LRRC4C: variants seen among roughly 807,000 people sequenced by gnomAD.
The protein encoded by LRRC4C is leucine rich repeat containing 4C, also known as leucine-rich repeat-containing protein 4C.
A neutral mutation model predicts 33.6 loss-of-function variants in LRRC4C; 5 were observed. The ratio of observed to expected loss-of-function variants is 0.15; its 90% CI spans 0.08 to 0.31. LRRC4C has a LOEUF of 0.31. Ranked by LOEUF, LRRC4C falls within the 10% of genes least tolerant of loss-of-function variation. The pLI, the probability that LRRC4C is intolerant of heterozygous loss-of-function variation, is 1.00. For synonymous variants in LRRC4C, 329 were observed against 302.0 expected, an observed-to-expected ratio of 1.09 and a Z score of -0.93; for missense variants, 560 against 796.7, an observed-to-expected ratio of 0.70 and a Z score of 3.58.
At chr11:40,354,809 G>T (rs146195285) in intron 3 of LRRC4C, among the ~76,000 whole-genome samples, 1 of 152,180 alleles carries the variant, frequency 6.6e-6, no homozygotes, top group Non-Finnish European at 1.5e-5. Flanking sequence ...GACTCCAGGA[G>T]CCCATTTAGT....
intron 1 of LRRC4C, among the ~76,000 whole-genome samples, chr11:41,109,570 C>A (rs1002764742): frequency 6.6e-6 from 1 of 152,078 alleles, no homozygotes; most frequent in African/African-American, 2.4e-5. Context: ...GGAAAGTCTC[C>A]TTCTTTACCG....
At chr11:40,839,724 T>C (rs1321792121) in intron 2 of LRRC4C, among the ~76,000 whole-genome samples, 1 of 152,190 alleles carries the variant, frequency 6.6e-6, no homozygotes, top group African/African-American at 2.4e-5. Context: ...TTAACTGATC[T>C]TCAAAACTGT....
At chr11:41,300,308 A>C (rs919857701) in intron 1 of LRRC4C, among the ~76,000 whole-genome samples, 5 of 152,196 alleles carry the variant, frequency 3.3e-5, no homozygotes, top group African/African-American at 1.2e-4. Flanking sequence ...ACCACACTGG[A>C]ATCTTCTCCA....
At chr11:41,167,160 C>G (rs1944766783) in intron 1 of LRRC4C, among the ~76,000 whole-genome samples, 2 of 151,938 alleles carry the variant, frequency 1.3e-5, no homozygotes, top group African/African-American at 2.4e-5. Flanking sequence ...AAAATAGATA[C>G]CAGAACATTT....
intron 2 of LRRC4C, among the ~76,000 whole-genome samples, chr11:40,742,688 A>G (rs1948216615): frequency 6.6e-6 from 1 of 151,996 alleles, no homozygotes; most frequent in African/African-American, 2.4e-5. Context: ...TATTCATTTC[A>G]TATTTTAATA....
chr11:41,355,699 G>A lies in LRRC4C; in HGVS notation c.-496+103732C>T, dbSNP rs535754362. On this transcript the variant is annotated intron_variant, in intron 1 of 6. Coordinates refer to ENST00000528697, the MANE Select transcript of LRRC4C (RefSeq NM_001258419.2). ...AATATCACATACGGTATTTCTAAAT[G>A]TTTTCTATTTAATTGAGCTATGTAC... 8.6e-5 allele frequency among the ~76,000 whole-genome samples: 13 copies of A among 151,976 alleles called. No homozygotes were observed. In the South Asian group the frequency reaches 2.7e-3, roughly 32 times the overall value.
intron 3 of LRRC4C, among the ~76,000 whole-genome samples, chr11:40,563,729 G>A (rs934866855): frequency 2.6e-5 from 4 of 152,058 alleles, no homozygotes; most frequent in Admixed American, 6.6e-5. Context: ...TCTGAAACAC[G>A]AAATGGGAAC....
At chr11:40,603,630 A>T (rs558571744) in intron 3 of LRRC4C, among the ~76,000 whole-genome samples, 2 of 152,332 alleles carry the variant, frequency 1.3e-5, no homozygotes, top group East Asian at 3.9e-4. Flanking sequence ...ATGGTGAAAA[A>T]TTTAGTATAA....
chr11:40,862,862 A>G (rs1954170172), intron 2 of LRRC4C, among the ~76,000 whole-genome samples: 1 of 152,202 alleles, frequency 6.6e-6, no homozygotes, highest in Admixed American at 6.5e-5. Context: ...AAAATGCTGT[A>G]CATTGCTGAG....
At chr11:40,703,054 T>C (rs1294272137) in intron 2 of LRRC4C, among the ~76,000 whole-genome samples, 1 of 151,994 alleles carries the variant, frequency 6.6e-6, no homozygotes, top group African/African-American at 2.4e-5. Context: ...TTAGAAATAT[T>C]AATAGAATAA....
At chr11:40,606,246 G>T (rs117942935) in intron 3 of LRRC4C, among the ~76,000 whole-genome samples, 2 of 152,138 alleles carry the variant, frequency 1.3e-5, no homozygotes, top group Non-Finnish European at 2.9e-5. Flanking sequence ...TTATTGTAGC[G>T]CTAGAGAAGT....
chr11:40,874,669 C>A (rs1213627807), intron 2 of LRRC4C, among the ~76,000 whole-genome samples: 1 of 152,168 alleles, frequency 6.6e-6, no homozygotes, highest in Non-Finnish European at 1.5e-5. Context: ...TTGCTCTGAC[C>A]TAACTGTATA....
chr11:41,350,143 C>T (rs1477650949), intron 1 of LRRC4C, among the ~76,000 whole-genome samples: 1 of 152,152 alleles, frequency 6.6e-6, no homozygotes, highest in Non-Finnish European at 1.5e-5. Context: ...TAGTTTTGAC[C>T]TCAGTGACTA....
At chr11:40,309,358 G>C (rs1945191625) in intron 4 of LRRC4C, among the ~76,000 whole-genome samples, 1 of 151,974 alleles carries the variant, frequency 6.6e-6, no homozygotes, top group African/African-American at 2.4e-5. Flanking sequence ...ATCTTTTCAA[G>C]GTTCATCTAT....
At chr11:41,116,184 A>G (rs1942114401) in intron 1 of LRRC4C, among the ~76,000 whole-genome samples, 1 of 152,168 alleles carries the variant, frequency 6.6e-6, no homozygotes, top group Admixed American at 6.6e-5. Context: ...ATTTAAGACT[A>G]CAAGCTTTGG....
rs771703654 is a variant in LRRC4C at position 40,659,905 on chromosome 11, C to A, written c.-406-11627G>T. Among the ~76,000 whole-genome samples, 3 of 152,174 alleles carry A rather than the reference C, an allele frequency of 2.0e-5. No homozygotes were observed. The East Asian group carries it at 5.8e-4, about 29-fold the overall frequency. Reference sequence around the variant, plus strand: ...TGTGGGACAAGTACTCAGGATGTACCAAATGGTGGGACTGAAAGAGCTGTA... The same window carrying A: ...TGTGGGACAAGTACTCAGGATGTACAAAATGGTGGGACTGAAAGAGCTGTA... On this transcript the variant is annotated intron_variant, in intron 2 of 6. Coordinates refer to ENST00000528697, the MANE Select transcript of LRRC4C (RefSeq NM_001258419.2).
intron 2 of LRRC4C, among the ~76,000 whole-genome samples, chr11:40,673,400 T>C (rs1944231315): frequency 6.6e-6 from 1 of 152,160 alleles, no homozygotes; most frequent in African/African-American, 2.4e-5. Context: ...TAACACCTAA[T>C]ATCGGTATCT....
In LRRC4C at chr11:40,696,948, G is replaced by A. The variant is rs76134399; in HGVS notation, c.-406-48670C>T. Among the ~76,000 whole-genome samples the A allele has an allele frequency of 6.3e-3, 953 of 151,808 alleles. 15 individuals are homozygous for A. The highest frequency in any genetic ancestry group is 0.022 in the African/African-American group (924 of 41,418). ...TATTCCCCAAACTGAGAAAAATCTG[G>A]AAAGACACGATGATTCATTAACTTC... On this transcript the variant is annotated intron_variant, in intron 2 of 6. Coordinates refer to ENST00000528697, the MANE Select transcript of LRRC4C (RefSeq NM_001258419.2).
chr11:41,139,357 G>A (rs1943405113), intron 1 of LRRC4C, among the ~76,000 whole-genome samples: 1 of 152,098 alleles, frequency 6.6e-6, no homozygotes, highest in Admixed American at 6.6e-5. Context: ...ACCAAAGCAT[G>A]TCATTTGATC....
Sources: allele counts gnomAD v4.1 joint callset (sites outside exome capture counted in the v4.1 genomes callset), GRCh38; gene constraint gnomAD v4.1.1; transcripts MANE v1.5; gene names NCBI Gene and HGNC (gene_info 2026-07-23, HGNC 2026-07-21).